PEAK1: variants seen among roughly 807,000 people sequenced by gnomAD.
The protein encoded by PEAK1 is pseudopodium enriched atypical kinase 1.
PEAK1 carries 54 observed loss-of-function variants against 124.7 expected under a neutral mutation model. The observed-to-expected ratio is 0.43, with a 90% CI of 0.35 to 0.54. The LOEUF (loss-of-function observed/expected upper bound fraction) is 0.54. PEAK1 is among the 20% of genes least tolerant of loss of function. The pLI is 0.01. For synonymous variants in PEAK1, 719 were observed against 760.0 expected, an observed-to-expected ratio of 0.95 and a Z score of 0.89; for missense variants, 2,046 against 2,134.5, an observed-to-expected ratio of 0.96 and a Z score of 0.82.
At chr15:77,123,797 C>T (rs1442966629) in intron 9 of PEAK1, among the ~76,000 whole-genome samples, 2 of 151,798 alleles carry the variant, frequency 1.3e-5, no homozygotes, top group Admixed American at 6.6e-5. Context: ...TTTTACTTTG[C>T]GAGCAGGAAT....
intron 6 of PEAK1, among the ~76,000 whole-genome samples, chr15:77,251,123 A>G (rs2060861250): frequency 1.3e-5 from 2 of 152,330 alleles, no homozygotes; most frequent in Middle Eastern, 3.4e-3. Context: ...ATCTCTCAAA[A>G]TCAAATTAGT....
chr15:77,128,602 C>T (rs938362282), intron 9 of PEAK1, among the ~76,000 whole-genome samples: 2 of 152,230 alleles, frequency 1.3e-5, no homozygotes, highest in African/African-American at 4.8e-5. Flanking sequence ...ATTCTTGGGC[C>T]GAAGATTTAA....
chr15:77,229,649 CTTTTTTTTT>C (rs200956203), intron 6 of PEAK1, among the ~76,000 whole-genome samples: 1 of 138,966 alleles, frequency 7.2e-6, no homozygotes, highest in Non-Finnish European at 1.6e-5. Flanking sequence ...TCTTTTCTTT[CTTTTTTTTT>C]TTTTTTGAGA....
intron 6 of PEAK1, among the ~76,000 whole-genome samples, chr15:77,206,678 GT>G (rs1359077139): frequency 1.3e-5 from 2 of 150,886 alleles, no homozygotes; most frequent in African/African-American, 2.4e-5. Flanking sequence ...GGGGTTGTTT[GT>G]TTTTTTCTTG....
At chr15:77,275,247 T>C (rs1265039601) in intron 5 of PEAK1, among the ~76,000 whole-genome samples, 1 of 152,124 alleles carries the variant, frequency 6.6e-6, no homozygotes, top group Non-Finnish European at 1.5e-5. Flanking sequence ...CACCAAAATC[T>C]CATAAATCAC....
At chr15:77,398,785 A>C (rs995663237) in intron 1 of PEAK1, among the ~76,000 whole-genome samples, 3 of 152,366 alleles carry the variant, frequency 2.0e-5, no homozygotes, top group Admixed American at 6.5e-5. Flanking sequence ...AAGAGAAAGA[A>C]ATAAAGAATA....
intron 6 of PEAK1, among the ~76,000 whole-genome samples, chr15:77,221,341 C>T (rs1444509383): frequency 6.6e-6 from 1 of 152,034 alleles, no homozygotes; most frequent in East Asian, 1.9e-4. Context: ...ATGTCCTAGG[C>T]AAGATTTCTT....
chr15:77,271,627 T>C (rs945835318), intron 5 of PEAK1, among the ~76,000 whole-genome samples: 1 of 152,192 alleles, frequency 6.6e-6, no homozygotes, highest in African/African-American at 2.4e-5. Flanking sequence ...TCATGTCCTT[T>C]GTAGGGACAT....
At chr15:77,158,795 G>C in intron 7 of PEAK1, 99 bp from the exon 8 acceptor site, 1 of 1,111,906 alleles carries the variant, frequency 9.0e-7, no homozygotes, top group Non-Finnish European at 1.3e-6. Flanking sequence ...TAAATAACTG[G>C]TCCTATAGTC....
At chr15:77,420,187 G>C (rs1163454721), upstream of PEAK1, 1 of 149,446 alleles carries the variant, frequency 6.7e-6, no homozygotes, top group South Asian at 1.8e-4. Flanking sequence ...CCACCAGCCT[G>C]CCCGCCTCCT....
chr15:77,256,255 C>A (rs1185093450), intron 5 of PEAK1, among the ~76,000 whole-genome samples: 1 of 152,092 alleles, frequency 6.6e-6, no homozygotes, highest in Non-Finnish European at 1.5e-5. Context: ...AAATTAGACA[C>A]TAGCCTCAAC....
intron 2 of PEAK1, chr15:77,353,013 A>T: frequency 1.0e-6 from 1 of 985,406 alleles, no homozygotes; most frequent in African/African-American, 1.7e-5. Flanking sequence ...TCTGGCAAGC[A>T]TCTGTTGGCT....
At chr15:77,143,936 T>C (rs1174156313) in intron 8 of PEAK1, among the ~76,000 whole-genome samples, 1 of 152,240 alleles carries the variant, frequency 6.6e-6, no homozygotes, top group African/African-American at 2.4e-5. Flanking sequence ...TTCTTACCTA[T>C]TCCAGTGTGG....
intron 6 of PEAK1, among the ~76,000 whole-genome samples, chr15:77,243,198 C>A (rs1052274874): frequency 1.3e-5 from 2 of 152,092 alleles, no homozygotes; most frequent in African/African-American, 4.8e-5. Flanking sequence ...TAGATTCTTG[C>A]AAATATTAAG....
intron 1 of PEAK1, 92 bp downstream of exon 1, chr15:77,419,914 T>A (rs2142236846): frequency 6.9e-6 from 1 of 145,042 alleles, no homozygotes; most frequent in African/African-American, 2.5e-5. Context: ...TTCCCCCGGG[T>A]CAGCGCCCTC....
chr15:77,152,095 C>T (rs144291055), intron 8 of PEAK1, among the ~76,000 whole-genome samples: 1,787 of 152,260 alleles, frequency 0.012, 43 homozygotes, highest in African/African-American at 0.041. Flanking sequence ...GCCATTTTCA[C>T]GATATTGATT....
In PEAK1 at chr15:77,365,637, G is replaced by C. The variant is rs2068171756; in HGVS notation, c.-665-412C>G. Among the ~76,000 whole-genome samples the C allele has an allele frequency of 1.3e-5, 2 of 151,764 alleles. 1 individual carries two copies. The highest frequency in any genetic ancestry group is 4.2e-4 in the South Asian group (2 of 4,796). ...TGCCTGTAGTCCCACCTACTCGGGA[G>C]GCTGAGGCAGGAGAAACGCTTGAAC... On this transcript the variant is annotated intron_variant, in intron 1 of 9. Transcript: ENST00000682557.
intron 6 of PEAK1, among the ~76,000 whole-genome samples, chr15:77,195,407 TA>T (rs2058053519): frequency 6.6e-6 from 1 of 150,778 alleles, no homozygotes; most frequent in Non-Finnish European, 1.5e-5. Context: ...TAACAAAAGA[TA>T]AAAAATAGAA....
intron 6 of PEAK1, among the ~76,000 whole-genome samples, chr15:77,234,969 A>G (rs889909352): frequency 6.6e-6 from 1 of 151,740 alleles, no homozygotes; most frequent in Non-Finnish European, 1.5e-5. Flanking sequence ...ATGAGATCTG[A>G]TGGTTTTATA....
Sources: gnomAD v4.1 joint callset for allele counts (sites outside exome capture counted in the v4.1 genomes callset) on GRCh38, gnomAD v4.1.1 for gene constraint, MANE v1.5 for transcripts, NCBI Gene and HGNC (gene_info 2026-07-23, HGNC 2026-07-21) for gene names.